Variants in GATAD2B observed in about 807,000 individuals in gnomAD.
The protein encoded by GATAD2B is transcriptional repressor p66-beta.
In GATAD2B, 8 loss-of-function variants were observed where a neutral mutation model predicts 64.3. That is an observed-to-expected ratio of 0.12 (90% CI 0.07 to 0.22). The LOEUF is 0.22. Ranked by LOEUF, GATAD2B falls within the 10% of genes least tolerant of loss-of-function variation. The pLI, the probability that GATAD2B is intolerant of heterozygous loss-of-function variation, is 1.00. For missense variants in GATAD2B, 453 were observed against 752.0 expected, an observed-to-expected ratio of 0.60 and a Z score of 4.65; for synonymous variants, 281 against 271.3, an observed-to-expected ratio of 1.04 and a Z score of -0.35.
intron 1 of GATAD2B, among the ~76,000 whole-genome samples, chr1:153,861,660 G>C (rs1036534663): frequency 6.7e-6 from 1 of 148,960 alleles, no homozygotes; most frequent in African/African-American, 2.5e-5. Flanking sequence ...GTGCACGCCT[G>C]TAGTCCCAGC....
At chr1:153,838,589 C>T (rs1318463651) in intron 1 of GATAD2B, among the ~76,000 whole-genome samples, 2 of 152,076 alleles carry the variant, frequency 1.3e-5, no homozygotes, top group East Asian at 1.9e-4. Context: ...GAAGCCTGGG[C>T]CCCCGGGTTC....
At chr1:153,915,646 G>C (rs2101971974) in intron 1 of GATAD2B, among the ~76,000 whole-genome samples, 1 of 149,794 alleles carries the variant, frequency 6.7e-6, no homozygotes, top group South Asian at 2.1e-4. Flanking sequence ...GAGGTAAGAG[G>C]ATCACTTGAA....
At chr1:153,822,395 G>C (rs1327912957) in intron 2 of GATAD2B, among the ~76,000 whole-genome samples, 1 of 152,106 alleles carries the variant, frequency 6.6e-6, no homozygotes, top group African/African-American at 2.4e-5. Flanking sequence ...TGGAGATTTG[G>C]GAACTGTATG....
At chr1:153,827,233 G>A (rs1352940641) in intron 2 of GATAD2B, among the ~76,000 whole-genome samples, 1 of 140,814 alleles carries the variant, frequency 7.1e-6, no homozygotes, top group Admixed American at 7.5e-5. Context: ...GCAACAGAGC[G>A]AGACCTTGCC....
intron 1 of GATAD2B, among the ~76,000 whole-genome samples, chr1:153,845,192 T>C (rs1482882368): frequency 6.6e-6 from 1 of 152,114 alleles, no homozygotes; most frequent in Non-Finnish European, 1.5e-5. Context: ...TGGTACTGGC[T>C]TAAAGACAGA....
At chr1:153,837,526 CT>C (rs2101898682) in intron 1 of GATAD2B, among the ~76,000 whole-genome samples, 1 of 152,176 alleles carries the variant, frequency 6.6e-6, no homozygotes, top group East Asian at 1.9e-4. Flanking sequence ...TGTGAATGTA[CT>C]TAAATCCACT....
chr1:153,894,224 T>C (rs1448725116), intron 1 of GATAD2B, among the ~76,000 whole-genome samples: 2 of 152,040 alleles, frequency 1.3e-5, no homozygotes, highest in East Asian at 1.9e-4. Context: ...TCCCAGCACT[T>C]TGGGAGGTTG....
chr1:153,890,180 A>G (rs1677329460), intron 1 of GATAD2B, among the ~76,000 whole-genome samples: 3 of 149,728 alleles, frequency 2.0e-5, no homozygotes, highest in Non-Finnish European at 1.5e-5. Flanking sequence ...TTCAAAAAAA[A>G]AAAAAAGAAA....
At chr1:153,811,988 TA>T in intron 9 of GATAD2B, 33 bp downstream of exon 9, 2 of 1,400,408 alleles carry the variant, frequency 1.4e-6, no homozygotes, top group South Asian at 1.2e-5. Context: ...ATAAATCTTC[TA>T]AAGAAATCAG....
chr1:153,915,958 TTGAAGGCACGA>T (rs1557835809), intron 1 of GATAD2B, among the ~76,000 whole-genome samples: 1 of 152,094 alleles, frequency 6.6e-6, no homozygotes, highest in African/African-American at 2.4e-5. Context: ...TTAGACTATT[TTGAAGGCACGA>T]TGATAGAGAG....
At position 153,828,017 on chromosome 1, in the gene GATAD2B, G is replaced by A. The variant is rs745728622; in HGVS notation, c.331C>T (p.Arg111Trp). 36 of 1,612,866 alleles carry A rather than the reference G, an allele frequency of 2.2e-5. No individual in the cohort carries two copies. The Middle Eastern group carries it at 4.9e-4, about 22-fold the overall frequency. ...NDEPVDMSARRSEPERGRLTP... is the reference protein window; with the variant it reads ...NDEPVDMSARWSEPERGRLTP... ...GGCAGCTGAACTGAGCCATACCTCC[G>A]TCTAGCACTCATATCCACAGGCTCA... Residue 111 changes from arginine to tryptophan, a missense_variant, in exon 2 of 11, where the codon CGG becomes TGG. By Grantham distance (101) the Arg-to-Trp change is moderately radical. This residue lies in a region of GATAD2B where 293 missense variants were observed against 417.2 expected (regional missense o/e 0.70). Coordinates refer to ENST00000368655, the MANE Select transcript of GATAD2B (RefSeq NM_020699.4).
chr1:153,817,409 G>C lies in GATAD2B; in HGVS notation c.863C>G (p.Thr288Arg). ...GATGGCGGGATTCATGTTGGGTGTT[G>C]TGGTGCGTACAAGGCCAGGCTTAGG... is the stretch of plus-strand genomic sequence containing the variant. ...GPPKPGLVRTTTPNMNPAINY... is the reference protein window; with the variant it reads ...GPPKPGLVRTRTPNMNPAINY... The change falls in exon 6 of 11, where the codon ACA (threonine) becomes AGA (arginine). Residue 288 changes from threonine to arginine, a missense_variant. Physicochemically the swap from Thr to Arg is moderately conservative, Grantham distance 71. This residue lies in a region of GATAD2B where 293 missense variants were observed against 417.2 expected (regional missense o/e 0.70). Transcript: ENST00000368655. The C allele has an allele frequency of 6.2e-7, 1 of 1,601,488 alleles. No individual in the cohort carries two copies. The highest frequency in any genetic ancestry group is 8.5e-7 in the Non-Finnish European group (1 of 1,175,406).
At chr1:153,882,400 G>C (rs1388503590) in intron 1 of GATAD2B, among the ~76,000 whole-genome samples, 1 of 152,068 alleles carries the variant, frequency 6.6e-6, no homozygotes, top group Non-Finnish European at 1.5e-5. Context: ...TAAGACAGCA[G>C]GTGTATTCAC....
rs907029794 is a variant in GATAD2B, at chr1:153,811,931, G to T, written c.1531-83C>A. ...GCAAAGATAAGGGAGTACAGAAGAAGACTATGATTTCCCACAATAGAAAGG... is the reference window on the plus strand; with the variant it reads ...GCAAAGATAAGGGAGTACAGAAGAATACTATGATTTCCCACAATAGAAAGG... On this transcript the variant is annotated intron_variant, in intron 9 of 10. Transcript: ENST00000368655. The T allele has an allele frequency of 8.0e-6, 10 of 1,249,210 alleles. No homozygotes were observed. The African/African-American group carries it at 1.3e-4, about 17-fold the overall frequency. The allele number at this position is 1,249,210 out of a possible 1,614,324, so 77.4% of individuals were successfully genotyped here.
chr1:153,816,576 A>C lies in GATAD2B; in HGVS notation c.913T>G (p.Ser305Ala). ...AINYQPQSSS[S>A]VPCQRTTSSA... ...GATGTTGTACGCTGACATGGAACAG[A>C]AGAACTTGACTGCTGAAATAGATTG... The change falls in exon 7 of 11, where the codon TCT becomes GCT. Residue 305 changes from serine (S) to alanine (A), a missense_variant. Ser to Ala is a moderately conservative substitution (Grantham distance 99). Around this residue, in one of 2 missense-constraint regions of GATAD2B, gnomAD observed 293 missense variants for 417.2 expected, o/e 0.70. Transcript: ENST00000368655. This position sits in a 1 kb window ranked among gnomAD's most constrained non-coding sequence, Gnocchi z 4.9. 1.2e-6 allele frequency: 2 copies of C among 1,609,536 alleles called. No individual in the cohort carries two copies. Among genetic ancestry groups the C allele is most frequent in the Non-Finnish European group, 1.7e-6 (2 of 1,176,246 alleles).
intron 7 of GATAD2B, among the ~76,000 whole-genome samples, chr1:153,815,873 T>A (rs913559401): frequency 1.3e-5 from 2 of 152,066 alleles, no homozygotes; most frequent in African/African-American, 4.8e-5. Flanking sequence ...GCCAACATGA[T>A]GAAACCCCGT....
At chr1:153,827,799 TAA>T in intron 2 of GATAD2B, among the ~76,000 whole-genome samples, 1 of 152,178 alleles carries the variant, frequency 6.6e-6, no homozygotes, top group East Asian at 1.9e-4. Flanking sequence ...TTTTTTCTCT[TAA>T]GAGTAAGAAC....
At chr1:153,915,106 C>A (rs1330793432) in intron 1 of GATAD2B, among the ~76,000 whole-genome samples, 1 of 151,954 alleles carries the variant, frequency 6.6e-6, no homozygotes, top group Non-Finnish European at 1.5e-5. Context: ...GCCTATAATC[C>A]CAGCTACTCA....
intron 1 of GATAD2B, among the ~76,000 whole-genome samples, chr1:153,833,814 AAAAAAAAAAAAAAAAAAG>A: frequency 6.9e-6 from 1 of 144,558 alleles, no homozygotes; most frequent in Non-Finnish European, 1.5e-5. Flanking sequence ...CAGTCTCCAA[AAAAAAAAAAAAAAAAAAG>A]AAAAAAGAAA....
Sources: allele counts gnomAD v4.1 joint callset (sites outside exome capture counted in the v4.1 genomes callset), GRCh38; gene constraint gnomAD v4.1.1; regional missense constraint gnomAD v4.1.1; non-coding constraint Gnocchi (gnomAD v3.1); transcripts MANE v1.5; gene names NCBI Gene and HGNC (gene_info 2026-07-23, HGNC 2026-07-21).